Variants in PRKN observed in about 807,000 individuals in gnomAD.
PRKN encodes parkin RBR E3 ubiquitin protein ligase.
Under a neutral mutation model 59.5 loss-of-function variants are expected in PRKN, and 56 were observed. The observed-to-expected ratio is 0.94, with a 90% confidence interval of 0.76 to 1.18. The LOEUF (loss-of-function observed/expected upper bound fraction) is 1.18, where lower values mean the gene tolerates loss of function less well. PRKN is among the 50% of genes most tolerant of loss of function. PRKN has a pLI of 0.00. For synonymous variants in PRKN, 250 were observed against 222.1 expected (o/e 1.13, Z -1.12); for missense variants, 657 against 596.4 (o/e 1.10, Z -1.06).
intron 7 of PRKN, among the ~76,000 whole-genome samples, chr6:161,702,639 C>A (rs969866923): frequency 1.8e-4 from 28 of 151,982 alleles, no homozygotes; most frequent in African/African-American, 6.8e-4. Context: ...TGGTTGCCAA[C>A]AATGTGAATT....
In PRKN at chr6:161,451,673, T is replaced by C. The variant is rs923002574; in HGVS notation, c.1084-64796A>G. ...GGCAGTCAACAGTGGTTTTGTACAA[T>C]GCGGATAAATATTAGAAAGGCCATC... On this transcript the variant is annotated intron_variant, in intron 9 of 11. Transcript: ENST00000366898. The surrounding 1 kb of genome is among the most constrained non-coding windows in gnomAD (Gnocchi z 5.9). Among the ~76,000 whole-genome samples the C allele has an allele frequency of 2.0e-5, 3 of 152,158 alleles. No individual in the cohort carries two copies. The highest frequency in any genetic ancestry group is 7.2e-5 in the African/African-American group (3 of 41,444).
chr6:161,350,946 T>TA (rs1301547069), intron 11 of PRKN, among the ~76,000 whole-genome samples: 2 of 77,348 alleles, frequency 2.6e-5, no homozygotes, highest in Non-Finnish European at 4.2e-5. Flanking sequence ...TAAATATATT[T>TA]TATATATTTA....
intron 6 of PRKN, among the ~76,000 whole-genome samples, chr6:161,801,449 C>T (rs114821037): frequency 0.037 from 5,704 of 152,246 alleles, 343 homozygotes; most frequent in African/African-American, 0.13. Flanking sequence ...GCCATGGGAG[C>T]GGGTGGGGCC....
At chr6:161,977,186 T>C (rs1480629003) in intron 5 of PRKN, among the ~76,000 whole-genome samples, 1 of 152,174 alleles carries the variant, frequency 6.6e-6, no homozygotes, top group Non-Finnish European at 1.5e-5. Flanking sequence ...GCAAGTTAGT[T>C]TGCTGCAGTA....
At chr6:162,614,571 T>G (rs1489000902) in intron 1 of PRKN, among the ~76,000 whole-genome samples, 1 of 152,226 alleles carries the variant, frequency 6.6e-6, no homozygotes, top group Non-Finnish European at 1.5e-5. Flanking sequence ...ACATGAATTT[T>G]TAAAACATAA....
At chr6:161,489,722 A>C (rs1459667787) in intron 9 of PRKN, among the ~76,000 whole-genome samples, 1 of 152,136 alleles carries the variant, frequency 6.6e-6, no homozygotes, top group African/African-American at 2.4e-5. Flanking sequence ...CATTACTACA[A>C]CACTTATGGT....
intron 1 of PRKN, among the ~76,000 whole-genome samples, chr6:162,519,701 G>A (rs1778009758): frequency 6.6e-6 from 1 of 152,004 alleles, no homozygotes; most frequent in Non-Finnish European, 1.5e-5. Flanking sequence ...ATGGCACTTA[G>A]TCCAAATGCA....
intron 4 of PRKN, among the ~76,000 whole-genome samples, chr6:162,155,903 T>C (rs1398547512): frequency 1.3e-5 from 2 of 151,862 alleles, no homozygotes; most frequent in East Asian, 1.9e-4. Flanking sequence ...ATAAGATGCA[T>C]AGAATAAGGT....
chr6:162,115,995 C>G (rs551930880), intron 4 of PRKN, among the ~76,000 whole-genome samples: 2 of 152,310 alleles, frequency 1.3e-5, no homozygotes, highest in South Asian at 4.1e-4. Flanking sequence ...TCACAATTTA[C>G]AGGGCCACTG....
chr6:161,649,110 G>A (rs1002316621), intron 7 of PRKN, among the ~76,000 whole-genome samples: 1 of 152,188 alleles, frequency 6.6e-6, no homozygotes, highest in African/African-American at 2.4e-5. Flanking sequence ...CAAATGTGCT[G>A]AAATCAGTTC....
chr6:161,848,778 T>G (rs1470496038), intron 6 of PRKN, among the ~76,000 whole-genome samples: 1 of 152,238 alleles, frequency 6.6e-6, no homozygotes, highest in Non-Finnish European at 1.5e-5. Context: ...ATAGAGGATA[T>G]GTGAAACGAT....
intron 1 of PRKN, among the ~76,000 whole-genome samples, chr6:162,479,291 T>C (rs1233359800): frequency 6.6e-6 from 1 of 152,036 alleles, no homozygotes; most frequent in East Asian, 1.9e-4. Flanking sequence ...GGTGGTGTGA[T>C]CTTGGCTCAC....
At chr6:161,768,502 A>G (rs1338051097) in intron 7 of PRKN, among the ~76,000 whole-genome samples, 1 of 152,218 alleles carries the variant, frequency 6.6e-6, no homozygotes, top group Non-Finnish European at 1.5e-5. Context: ...TACTGATTCA[A>G]TGCAAATACT....
intron 9 of PRKN, among the ~76,000 whole-genome samples, chr6:161,392,660 T>C (rs1346095957): frequency 6.6e-6 from 1 of 151,874 alleles, no homozygotes; most frequent in African/African-American, 2.4e-5. Context: ...ATAAACATGG[T>C]CACCTAATAC....
intron 1 of PRKN, among the ~76,000 whole-genome samples, chr6:162,713,862 T>C (rs1778629750): frequency 6.6e-6 from 1 of 152,188 alleles, no homozygotes; most frequent in African/African-American, 2.4e-5. Flanking sequence ...TGAGCAGATA[T>C]CAAAGGCAAA....
At chr6:162,627,172 G>C (rs545784893) in intron 1 of PRKN, among the ~76,000 whole-genome samples, 1 of 152,142 alleles carries the variant, frequency 6.6e-6, no homozygotes. Context: ...CAATTTCTAA[G>C]AGGGCTTGAT....
chr6:162,380,397 CTATATATA>C (rs5881472), intron 2 of PRKN, among the ~76,000 whole-genome samples: 1 of 134,536 alleles, frequency 7.4e-6, no homozygotes, highest in Non-Finnish European at 1.6e-5. Context: ...TAGTTTAAAG[CTATATATA>C]TATATATACA....
chr6:162,498,439 CTT>C (rs34333763), intron 1 of PRKN, among the ~76,000 whole-genome samples: 1 of 12,440 alleles, frequency 8.0e-5, no homozygotes, highest in Non-Finnish European at 1.6e-4. Context: ...TTTCCTTTTT[CTT>C]TTTTTTTTTT....
intron 6 of PRKN, among the ~76,000 whole-genome samples, chr6:161,926,619 C>T (rs1479641373): frequency 1.3e-5 from 2 of 152,066 alleles, no homozygotes; most frequent in Non-Finnish European, 2.9e-5. Context: ...ACCAAGGCTA[C>T]CTTCATGTTC....
Sources: allele counts gnomAD v4.1 joint callset (sites outside exome capture counted in the v4.1 genomes callset), GRCh38; gene constraint gnomAD v4.1.1; non-coding constraint Gnocchi (gnomAD v3.1); transcripts MANE v1.5; gene names NCBI Gene and HGNC (gene_info 2026-07-23, HGNC 2026-07-21).